The following HIP1 variants were observed in gnomAD, a reference collection of about 807,000 sequenced individuals.
HIP1 encodes huntingtin-interacting protein 1.
Under a neutral mutation model 147.6 loss-of-function variants are expected in HIP1, and 65 were observed. The observed-to-expected ratio is 0.44, with a 90% CI of 0.36 to 0.54. The LOEUF (loss-of-function observed/expected upper bound fraction) is 0.54, where lower values mean the gene tolerates loss of function less well. HIP1 is among the 20% of genes least tolerant of loss of function. The pLI, the probability that HIP1 is intolerant of heterozygous loss-of-function variation, is 0.00. For missense variants in HIP1, 1,061 were observed against 1,299.6 expected, an observed-to-expected ratio of 0.82 and a Z score of 2.82; for synonymous variants, 479 against 504.0, an observed-to-expected ratio of 0.95 and a Z score of 0.67.
chr7:75,592,607 C>T (rs1796539406), intron 2 of HIP1, 93 bp from the exon 3 acceptor site: 2 of 1,332,978 alleles, frequency 1.5e-6, no homozygotes, highest in East Asian at 2.4e-5. Context: ...ACTGAGCCTG[C>T]ACCCAGCCAT....
chr7:75,722,771 A>G (rs1406196052), intron 1 of HIP1, among the ~76,000 whole-genome samples: 4 of 152,216 alleles, frequency 2.6e-5, no homozygotes, highest in Non-Finnish European at 5.9e-5. Context: ...TTTAAGGTTA[A>G]GTAAATTATA....
intron 1 of HIP1, among the ~76,000 whole-genome samples, chr7:75,602,303 CTTTTTTTTTTTTTTTTTT>C (rs67019261): frequency 1.3e-5 from 1 of 77,266 alleles, no homozygotes; most frequent in Non-Finnish European, 2.3e-5. Context: ...ACCTGGCCAG[CTTTTTTTTTTTTTTTTTT>C]TTTTTTTTTT....
At chr7:75,695,513 T>C (rs1800607017) in intron 1 of HIP1, among the ~76,000 whole-genome samples, 1 of 152,140 alleles carries the variant, frequency 6.6e-6, no homozygotes, top group South Asian at 2.1e-4. Context: ...CCCAATGCAG[T>C]TGTAGGATAA....
In HIP1 at chr7:75,538,180, T is replaced by C. The variant is rs587754055; in HGVS notation, c.3106A>G (p.Lys1036Glu). 7 of 1,612,570 alleles carry C rather than the reference T, an allele frequency of 4.3e-6. No individual in the cohort carries two copies. In the East Asian group the frequency reaches 1.6e-4, roughly 36 times the overall value. The change falls in exon 31 of 31, where the codon AAA becomes GAA. Residue 1036 changes from lysine (K) to glutamate (E), a missense_variant. Transcript: ENST00000336926. Reference protein sequence around the residue: ...PPTLQEVVTEKE With the variant: ...PPTLQEVVTEEE ...GGGGTGTTGGTTTGGCTCTATTCTT[T>C]TTCGGTTACCACTTCTTGCAGTGTA...
At chr7:75,639,127 C>T in intron 1 of HIP1, 4 of 984,672 alleles carry the variant, frequency 4.1e-6, no homozygotes, top group Non-Finnish European at 4.8e-6. Context: ...CAAAGCTGCT[C>T]CCGGCTAATC....
At chr7:75,712,413 C>T (rs1801187399) in intron 1 of HIP1, among the ~76,000 whole-genome samples, 1 of 152,094 alleles carries the variant, frequency 6.6e-6, no homozygotes, top group African/African-American at 2.4e-5. Context: ...AAAAAGTTAA[C>T]TGAGTGCTTT....
At chr7:75,687,954 A>C (rs1800321383) in intron 1 of HIP1, among the ~76,000 whole-genome samples, 1 of 152,014 alleles carries the variant, frequency 6.6e-6, no homozygotes, top group South Asian at 2.1e-4. Context: ...TTCTCTCTTG[A>C]GTCCTGGGCT....
intron 1 of HIP1, among the ~76,000 whole-genome samples, chr7:75,602,333 CA>C (rs1263737957): frequency 3.2e-4 from 14 of 43,256 alleles, no homozygotes; most frequent in Non-Finnish European, 5.8e-4. Flanking sequence ...TTTTTTTTTT[CA>C]AAAGAGATAG....
intron 7 of HIP1, among the ~76,000 whole-genome samples, chr7:75,576,299 C>T (rs1226106621): frequency 6.6e-6 from 1 of 152,226 alleles, no homozygotes; most frequent in African/African-American, 2.4e-5. Flanking sequence ...GGCTTTGAGA[C>T]TGGTTAGGAT....
At chr7:75,606,878 AATC>A (rs1797243451) in intron 1 of HIP1, among the ~76,000 whole-genome samples, 7 of 152,204 alleles carry the variant, frequency 4.6e-5, no homozygotes, top group African/African-American at 1.7e-4. Flanking sequence ...TAATAGTATT[AATC>A]AGCTCCATTC....
chr7:75,620,687 AAAACAAAC>A (rs1186253910), intron 1 of HIP1, among the ~76,000 whole-genome samples: 1 of 152,088 alleles, frequency 6.6e-6, no homozygotes, highest in Non-Finnish European at 1.5e-5. Flanking sequence ...CTCTGTCTCA[AAAACAAAC>A]AAACAAACAA....
chr7:75,681,497 CTTTTTTTTTT>C (rs10546838), intron 1 of HIP1, among the ~76,000 whole-genome samples: 30 of 124,306 alleles, frequency 2.4e-4, no homozygotes, highest in Middle Eastern at 8.8e-3. Flanking sequence ...ACAGCACCTG[CTTTTTTTTTT>C]TTTTTTTTTT....
At chr7:75,652,511 G>A (rs889877842) in intron 1 of HIP1, among the ~76,000 whole-genome samples, 4 of 151,924 alleles carry the variant, frequency 2.6e-5, no homozygotes, top group African/African-American at 7.3e-5. Flanking sequence ...CTACAGGTGC[G>A]TGCCACTGCT....
At chr7:75,550,026 C>T (rs1794724160) in intron 22 of HIP1, among the ~76,000 whole-genome samples, 1 of 152,018 alleles carries the variant, frequency 6.6e-6, no homozygotes, top group Non-Finnish European at 1.5e-5. Flanking sequence ...AACTTTGCTT[C>T]CACAGTGATC....
chr7:75,549,236 G>A (rs781816895), intron 22 of HIP1, among the ~76,000 whole-genome samples: 5 of 151,970 alleles, frequency 3.3e-5, no homozygotes, highest in African/African-American at 4.8e-5. Flanking sequence ...GAATGCCATC[G>A]CTGCCTCCCC....
intron 1 of HIP1, among the ~76,000 whole-genome samples, chr7:75,651,384 G>T (rs868958395): frequency 1.3e-5 from 2 of 148,428 alleles, no homozygotes; most frequent in African/African-American, 5.1e-5. Context: ...GCTTGAACCC[G>T]GGAGGTGGAG....
In HIP1 at chr7:75,551,189, A is replaced by ATTTTTTTTTTTTTTTTTTTTTTTTTTTT. The variant is rs55679922; in HGVS notation, c.2296-2189_2296-2188insAAAAAAAAAAAAAAAAAAAAAAAAAAAA. Among the ~76,000 whole-genome samples, 3 of 77,416 alleles carry ATTTTTTTTTTTTTTTTTTTTTTTTTTTT rather than the reference A, an allele frequency of 3.9e-5. 1 individual carries two copies. Among genetic ancestry groups the ATTTTTTTTTTTTTTTTTTTTTTTTTTTT allele is most frequent in the Admixed American group, 1.6e-4 (1 of 6,076 alleles). 50.8% of individuals were successfully genotyped at this position (77,416 alleles called of 152,430 possible). On this transcript the variant is annotated intron_variant, in intron 22 of 30. Coordinates refer to ENST00000336926, the MANE Select transcript of HIP1 (RefSeq NM_005338.7). ...TAGGGAGGCAAAGATGTAGATGATA[A>ATTTTTTTTTTTTTTTTTTTTTTTTTTTT]TTTTTTTTTTTTTTTTTTTTTTTTT...
At chr7:75,679,839 A>G (rs967842095) in intron 1 of HIP1, among the ~76,000 whole-genome samples, 3 of 152,112 alleles carry the variant, frequency 2.0e-5, no homozygotes, top group African/African-American at 7.2e-5. Context: ...TCTGACCTCC[A>G]GATCTGCTTA....
chr7:75,547,372 A>G (rs1205678090), intron 24 of HIP1, among the ~76,000 whole-genome samples: 1 of 152,124 alleles, frequency 6.6e-6, no homozygotes, highest in Admixed American at 6.6e-5. Context: ...GGTTCAAGTG[A>G]TTCTCCTGCC....
Sources: gnomAD v4.1 joint callset for allele counts (sites outside exome capture counted in the v4.1 genomes callset) on GRCh38, gnomAD v4.1.1 for gene constraint, MANE v1.5 for transcripts, NCBI Gene and HGNC (gene_info 2026-07-23, HGNC 2026-07-21) for gene names.